Variants in LEPROTL1 observed in about 807,000 individuals in gnomAD.
LEPROTL1 encodes the protein leptin receptor overlapping transcript-like 1.
Under a neutral mutation model 15.4 loss-of-function variants are expected in LEPROTL1, and 6 were observed. The ratio of observed to expected loss-of-function variants is 0.39; its 90% CI spans 0.21 to 0.77. The LOEUF (loss-of-function observed/expected upper bound fraction) is 0.77, where lower values mean the gene tolerates loss of function less well. Ranked by LOEUF, LEPROTL1 falls within the 30% of genes least tolerant of loss-of-function variation. The probability of loss-of-function intolerance (pLI) is 0.41; values close to 1 mark genes in which losing one functional copy is unlikely to be tolerated. For synonymous variants in LEPROTL1, 56 were observed against 52.6 expected (o/e 1.06, Z -0.28); for missense variants, 128 against 158.1 (o/e 0.81, Z 1.02).
At chr8:30,119,564 C>G (rs1221465106) in intron 3 of LEPROTL1, among the ~76,000 whole-genome samples, 1 of 152,070 alleles carries the variant, frequency 6.6e-6, no homozygotes, top group African/African-American at 2.4e-5. Flanking sequence ...TAGAGGGATG[C>G]CAGTCATATT....
chr8:30,128,751 CAAA>C (rs60440341), intron 3 of LEPROTL1, among the ~76,000 whole-genome samples: 1 of 115,484 alleles, frequency 8.7e-6, no homozygotes. Context: ...GGCCCTGTTT[CAAA>C]AAAAAAAAAA....
exon 5 of LEPROTL1, chr8:30,137,480 G>A (rs371783736): frequency 1.9e-6 from 3 of 1,551,650 alleles, no homozygotes; most frequent in Non-Finnish European, 2.6e-6. Flanking sequence ...TTCCTGCTTT[G>A]CCCTCCCTCT....
At chr8:30,133,447 G>A (rs1434772624) in intron 4 of LEPROTL1, among the ~76,000 whole-genome samples, 1 of 152,096 alleles carries the variant, frequency 6.6e-6, no homozygotes, top group Admixed American at 6.6e-5. Flanking sequence ...TAAAGAAAAG[G>A]TTAGATGCAC....
chr8:30,105,981 G>A lies in LEPROTL1; in HGVS notation c.*119G>A. ...AGCAAGCCTCTTGGGGGTATTTTAG[G>A]TGCTCCCTTCTCACTTTTATTGTAA... is the stretch of plus-strand genomic sequence containing the variant. On this transcript the variant is annotated 3_prime_UTR_variant, in exon 4 of 4. Transcript: ENST00000321250. The A allele has an allele frequency of 1.5e-6, 2 of 1,294,500 alleles. No homozygotes were observed. The highest frequency in any genetic ancestry group is 9.9e-7 in the Non-Finnish European group (1 of 1,009,876). The allele number at this position is 1,294,500 out of a possible 1,614,324, so 80.2% of individuals were successfully genotyped here. A position where few individuals can be genotyped will look rare whatever the true frequency, so the allele number is the denominator to read the frequency against.
intron 3 of LEPROTL1, among the ~76,000 whole-genome samples, chr8:30,115,156 T>C (rs117298723): frequency 0.013 from 1,979 of 152,022 alleles, 42 homozygotes; most frequent in East Asian, 0.072. Flanking sequence ...TGGAGAGCAG[T>C]AGTTCAAGAT....
Position 30,095,486 on chromosome 8 carries a change from C to G in LEPROTL1, c.-27C>G, listed in dbSNP as rs187805314. ...CGCTGCTGCCGCCGCCGCCTCGGGT[C>G]GTGGAGCCAGGAGCGACGTCACCGC... On this transcript the variant is annotated 5_prime_UTR_variant, in exon 1 of 4. Transcript: ENST00000321250. 2.7e-3 allele frequency: 3,998 copies of G among 1,463,538 alleles called. 12 individuals are homozygous for G. The highest frequency in any genetic ancestry group is 3.7e-3 in the Middle Eastern group (20 of 5,360). 90.7% of individuals were successfully genotyped at this position (1,463,538 alleles called of 1,614,324 possible).
chr8:30,133,943 G>C (rs1803084338), intron 4 of LEPROTL1, among the ~76,000 whole-genome samples: 1 of 152,006 alleles, frequency 6.6e-6, no homozygotes, highest in South Asian at 2.1e-4. Context: ...TACCACAAAA[G>C]ACTGCAAAAA....
At chr8:30,112,704 A>G (rs891184796), downstream of LEPROTL1, among the ~76,000 whole-genome samples, 3 of 151,572 alleles carry the variant, frequency 2.0e-5, no homozygotes, top group Non-Finnish European at 4.4e-5. Flanking sequence ...GAGTTATTTA[A>G]CCCGTGTCCC....
intron 2 of LEPROTL1, among the ~76,000 whole-genome samples, chr8:30,102,242 C>T (rs1253504360): frequency 1.3e-5 from 2 of 151,988 alleles, no homozygotes; most frequent in Non-Finnish European, 2.9e-5. Flanking sequence ...AGCCCTCCTG[C>T]TCAGTTTTTA....
chr8:30,130,651 A>G (rs1802989681), intron 3 of LEPROTL1, among the ~76,000 whole-genome samples: 1 of 152,248 alleles, frequency 6.6e-6, no homozygotes, highest in East Asian at 1.9e-4. Flanking sequence ...AGACATGTTT[A>G]TGAGTCAGCT....
chr8:30,126,218 G>A (rs1273901239), intron 3 of LEPROTL1, among the ~76,000 whole-genome samples: 2 of 152,174 alleles, frequency 1.3e-5, no homozygotes, highest in African/African-American at 4.8e-5. Flanking sequence ...GAGACCCCTA[G>A]ATTATACCGT....
intron 1 of LEPROTL1, chr8:30,095,876 A>C: frequency 1.4e-6 from 1 of 701,404 alleles, no homozygotes; most frequent in Non-Finnish European, 2.6e-6. Flanking sequence ...AGGAGTTTGC[A>C]TCCGAGAGAG....
At chr8:30,110,385 G>A (rs931230590), downstream of LEPROTL1, among the ~76,000 whole-genome samples, 4 of 152,076 alleles carry the variant, frequency 2.6e-5, no homozygotes, top group Non-Finnish European at 4.4e-5. Flanking sequence ...GTGTGCGTGC[G>A]CGCGTGTGTG....
At position 30,107,610 on chromosome 8, in the gene LEPROTL1, G is replaced by C. The variant is rs919747629; in HGVS notation, c.*1748G>C. ...ACGGGAAGCAGGACGAAATATCGGC[G>C]TGTGGCTGGAGCCTTCCCACTGGAG... is the stretch of plus-strand genomic sequence containing the variant. On this transcript the variant is annotated 3_prime_UTR_variant, in exon 4 of 4. Transcript: ENST00000321250. The C allele has an allele frequency of 1.0e-6, 1 of 985,830 alleles. No individual in the cohort carries two copies. The highest frequency in any genetic ancestry group is 1.2e-6 in the Non-Finnish European group (1 of 829,922). The allele number at this position is 985,830 out of a possible 1,614,324, so 61.1% of individuals were successfully genotyped here. A position where few individuals can be genotyped will look rare whatever the true frequency, so the allele number is the denominator to read the frequency against.
downstream of LEPROTL1, among the ~76,000 whole-genome samples, chr8:30,108,905 T>G (rs1802613679): frequency 2.0e-5 from 3 of 152,036 alleles, no homozygotes; most frequent in Non-Finnish European, 4.4e-5. Flanking sequence ...GCTGGGATTA[T>G]AGGCCTGCAC....
At chr8:30,130,253 GT>G (rs370963270) in intron 3 of LEPROTL1, among the ~76,000 whole-genome samples, 2 of 151,410 alleles carry the variant, frequency 1.3e-5, no homozygotes, top group Admixed American at 6.6e-5. Flanking sequence ...TACAAAGTTT[GT>G]TTTTTTTTAT....
chr8:30,101,636 C>G (rs1404749764), intron 1 of LEPROTL1, among the ~76,000 whole-genome samples: 1 of 141,466 alleles, frequency 7.1e-6, no homozygotes, highest in Non-Finnish European at 1.5e-5. Flanking sequence ...CCATTGGACT[C>G]CAGCCTGGGC....
Position 30,104,324 on chromosome 8 carries a change from A to AT in LEPROTL1, c.124dup (p.Tyr42LeufsTer17), listed in dbSNP as rs2117484538. On this transcript the variant is annotated frameshift_variant, in exon 3 of 4. Transcript: ENST00000321250. LOFTEE classifies it high-confidence loss of function. ...GCAAATACTGGCCCCTCTTTGTTCT[A>AT]TTTTTTTACATCCTTTCACCTATTC... 12 of 1,545,980 alleles carry AT rather than the reference A, an allele frequency of 7.8e-6. No individual in the cohort carries two copies. Among genetic ancestry groups the AT allele is most frequent in the Non-Finnish European group, 1.0e-5 (12 of 1,145,070 alleles).
chr8:30,101,851 A>G, intron 1 of LEPROTL1, 47 bp from the exon 2 acceptor site: 1 of 1,167,384 alleles, frequency 8.6e-7, no homozygotes, highest in Non-Finnish European at 1.3e-6. Flanking sequence ...ATTAATAAAA[A>G]TAATATTTAA....
Sources: allele counts gnomAD v4.1 joint callset (sites outside exome capture counted in the v4.1 genomes callset), GRCh38; gene constraint gnomAD v4.1.1; transcripts MANE v1.5; gene names NCBI Gene and HGNC (gene_info 2026-07-23, HGNC 2026-07-21).